CLCN6: variants seen among roughly 807,000 people sequenced by gnomAD.
The protein encoded by CLCN6 is H(+)/Cl(-) exchange transporter 6.
In CLCN6, 70 loss-of-function variants were observed where a neutral mutation model predicts 109.8. The ratio of observed to expected loss-of-function variants is 0.64; its 90% confidence interval spans 0.53 to 0.78. The LOEUF is 0.78. Ranked by LOEUF, CLCN6 falls within the 30% of genes least tolerant of loss-of-function variation. The probability of loss-of-function intolerance (pLI) is 0.00; values close to 1 mark genes in which losing one functional copy is unlikely to be tolerated. For synonymous variants in CLCN6, 444 were observed against 447.8 expected (o/e 0.99, Z 0.11); for missense variants, 984 against 1,142.3 (o/e 0.86, Z 2.00).
At chr1:11,821,628 G>A (rs1291080103) in intron 5 of CLCN6, among the ~76,000 whole-genome samples, 1 of 152,140 alleles carries the variant, frequency 6.6e-6, no homozygotes, top group Non-Finnish European at 1.5e-5. Flanking sequence ...GAAGGAAAAC[G>A]AGCAAAGGAT....
chr1:11,838,189 C>G (rs916894216), intron 20 of CLCN6, 146 bp from the exon 21 acceptor site: 27 of 727,588 alleles, frequency 3.7e-5, no homozygotes, highest in Non-Finnish European at 6.0e-5. Context: ...CTGGAGAGCT[C>G]TCACTCTGGA....
intron 2 of CLCN6, among the ~76,000 whole-genome samples, chr1:11,812,350 C>A (rs2100607683): frequency 6.6e-6 from 1 of 152,346 alleles, no homozygotes; most frequent in East Asian, 1.9e-4. Context: ...ATGCCCTCTC[C>A]AGGCACGCTA....
At chr1:11,816,490 ACAT>A in intron 3 of CLCN6, 122 bp from the exon 4 acceptor site, 1 of 857,194 alleles carries the variant, frequency 1.2e-6, no homozygotes, top group Non-Finnish European at 1.9e-6. Flanking sequence ...TGAAATCCCA[ACAT>A]CATCTTTACT....
chr1:11,806,274 C>G lies in CLCN6; in HGVS notation c.12C>G (p.Cys4Trp). The G allele has an allele frequency of 6.7e-7, 1 of 1,488,080 alleles. No homozygotes were observed. Among genetic ancestry groups the G allele is most frequent in the South Asian group, 1.4e-5 (1 of 71,556 alleles). The allele number at this position is 1,488,080 out of a possible 1,614,324, so 92.2% of individuals were successfully genotyped here. Residue 4 changes from cysteine (C) to tryptophan (W), a missense_variant, in exon 1 of 23, where the codon TGC becomes TGG. Cys to Trp is a radical substitution (Grantham distance 215, BLOSUM62 -2). Coordinates refer to ENST00000346436, the MANE Select transcript of CLCN6 (RefSeq NM_001286.5). Reference protein sequence around the residue: MAGCRGSLCCCCRW... With the variant: MAGWRGSLCCCCRW... ...AGTAAAGGAGGAAGATGGCGGGGTG[C>G]AGGGGGTCTCTGTGCTGCTGCTGCA... is the stretch of plus-strand genomic sequence containing the variant.
intron 5 of CLCN6, 47 bp downstream of exon 5, chr1:11,819,601 A>C (rs765690653): frequency 1.3e-6 from 2 of 1,536,994 alleles, no homozygotes; most frequent in Admixed American, 1.7e-5. Context: ...AGTGGTCACC[A>C]AGATTCTTTC....
chr1:11,809,908 CAATA>C (rs1296535890), intron 2 of CLCN6, among the ~76,000 whole-genome samples: 1 of 152,112 alleles, frequency 6.6e-6, no homozygotes, highest in South Asian at 2.1e-4. Flanking sequence ...TTTATTTATT[CAATA>C]AATAAATCAA....
At chr1:11,830,540 C>T (rs1457811413) in intron 13 of CLCN6, among the ~76,000 whole-genome samples, 1 of 151,556 alleles carries the variant, frequency 6.6e-6, no homozygotes, top group Non-Finnish European at 1.5e-5. Flanking sequence ...CAAATATACA[C>T]CATTTTATAT....
chr1:11,829,279 T>C lies in CLCN6; in HGVS notation c.1205T>C (p.Met402Thr). The change falls in exon 13 of 23, where the codon ATG becomes ACG. Residue 402 changes from methionine to threonine, a missense_variant. By Grantham distance (81) the Met-to-Thr change is moderately conservative. Transcript: ENST00000346436. ...ASMVLGECRQ[M>T]SSSSQIGNDS... ...ATGGTGTTAGGAGAATGCCGACAGA[T>C]GTCCTCTTCGAGTCAAATCGGTAAT... 2 of 1,614,190 alleles carry C rather than the reference T, an allele frequency of 1.2e-6. No individual in the cohort carries two copies. The highest frequency in any genetic ancestry group is 1.7e-6 in the Non-Finnish European group (2 of 1,180,032).
chr1:11,821,092 A>AAT (rs1644736627), intron 5 of CLCN6, among the ~76,000 whole-genome samples: 2 of 151,872 alleles, frequency 1.3e-5, no homozygotes, highest in Non-Finnish European at 2.9e-5. Flanking sequence ...AACAACAAAA[A>AAT]AAAAAAACAA....
chr1:11,829,073 C>A, intron 12 of CLCN6, 123 bp from the exon 13 acceptor site: 1 of 1,120,248 alleles, frequency 8.9e-7, no homozygotes, highest in Non-Finnish European at 1.3e-6. Flanking sequence ...TGTTGACTGA[C>A]CAGGGGCTGC....
At chr1:11,830,781 T>TACAC (rs1327251861) in intron 13 of CLCN6, among the ~76,000 whole-genome samples, 3 of 121,882 alleles carry the variant, frequency 2.5e-5, no homozygotes, top group African/African-American at 1.2e-4. Context: ...ACACACTATA[T>TACAC]ATACACACAC....
rs1344378491 is a variant in CLCN6, at chr1:11,834,289, C to T, written c.1580C>T (p.Ala527Val). The part of the protein sequence containing the change: ...YSGTFALIGA[A>V]AFLGGVVRMT... ...GGGACCTTTGCCCTGATTGGTGCAGCGGCTTTCTTGGGCGGGGTGGTCCGC... is the reference window on the plus strand; with the variant it reads ...GGGACCTTTGCCCTGATTGGTGCAGTGGCTTTCTTGGGCGGGGTGGTCCGC... Residue 527 changes from alanine (A) to valine (V), a missense_variant, in exon 16 of 23, where the codon GCG becomes GTG. By Grantham distance (64) the Ala-to-Val change is moderately conservative (BLOSUM62 0). Coordinates refer to ENST00000346436, the MANE Select transcript of CLCN6 (RefSeq NM_001286.5). This position sits in a 1 kb window ranked among gnomAD's most constrained non-coding sequence, Gnocchi z 4.5. 8 of 1,614,096 alleles carry T rather than the reference C, an allele frequency of 5.0e-6. No individual in the cohort carries two copies. The highest frequency in any genetic ancestry group is 2.2e-5 in the East Asian group (1 of 44,862).
At chr1:11,831,164 TGTTTTTG>T (rs763613650) in intron 13 of CLCN6, among the ~76,000 whole-genome samples, 1 of 118,836 alleles carries the variant, frequency 8.4e-6, no homozygotes, top group Non-Finnish European at 1.8e-5. Context: ...TTTTTGTTTT[TGTTTTTG>T]TTTTTGGCAA....
intron 13 of CLCN6, among the ~76,000 whole-genome samples, chr1:11,830,797 C>T (rs1293063125): frequency 2.9e-5 from 4 of 138,030 alleles, no homozygotes; most frequent in Non-Finnish European, 4.6e-5. Flanking sequence ...CACACACACA[C>T]ACACACACAC....
At chr1:11,839,145 G>C in intron 22 of CLCN6, 1 of 577,978 alleles carries the variant, frequency 1.7e-6, no homozygotes, top group Non-Finnish European at 3.1e-6. Flanking sequence ...TTTCATTGTA[G>C]GAAAATACAA....
At chr1:11,830,783 TACAC>T (rs71585869) in intron 13 of CLCN6, among the ~76,000 whole-genome samples, 35,734 of 137,708 alleles carry the variant, frequency 0.26, 4,979 homozygotes, top group Middle Eastern at 0.38. Context: ...ACACTATATA[TACAC>T]ACACACACAC....
chr1:11,840,813 G>C lies in CLCN6; in HGVS notation c.*590G>C, dbSNP rs1488273406. 6.2e-6 allele frequency: 1 copy of C among 161,106 alleles called. No homozygotes were observed. The highest frequency in any genetic ancestry group is 1.4e-5 in the Non-Finnish European group (1 of 72,536). 10.0% of individuals were successfully genotyped at this position (161,106 alleles called of 1,614,324 possible). On this transcript the variant is annotated 3_prime_UTR_variant, in exon 23 of 23. Coordinates refer to ENST00000346436, the MANE Select transcript of CLCN6 (RefSeq NM_001286.5). ...GCTCCTGGGTGTGAGCAGAGGCTCT[G>C]GTCTTGCCCTGTGGTTTGACTCTCC...
Position 11,834,060 on chromosome 1 carries a change from ATGTGCATGTG to A in CLCN6, c.1526+37_1526+46del. ...TCTGTGTGTGTGCGTGTGTGTGCGCATGTGCATGTGTGTGCACGTGTGCGTGTGTATGCAT... is the reference window on the plus strand; with the variant it reads ...TCTGTGTGTGTGCGTGTGTGTGCGCATGTGCACGTGTGCGTGTGTATGCAT... On this transcript the variant is annotated intron_variant, in intron 15 of 22. Coordinates refer to ENST00000346436, the MANE Select transcript of CLCN6 (RefSeq NM_001286.5). This position sits in a 1 kb window ranked among gnomAD's most constrained non-coding sequence, Gnocchi z 4.5. The A allele has an allele frequency of 1.9e-6, 3 of 1,609,836 alleles. No homozygotes were observed. In the East Asian group the frequency reaches 6.7e-5, roughly 36 times the overall value.
intron 18 of CLCN6, 96 bp from the exon 19 acceptor site, chr1:11,836,903 C>A: frequency 4.2e-6 from 6 of 1,440,148 alleles, no homozygotes; most frequent in Non-Finnish European, 5.7e-6. Flanking sequence ...TCCGGATGTG[C>A]TTCTGACCCT....
Sources: allele counts gnomAD v4.1 joint callset (sites outside exome capture counted in the v4.1 genomes callset), GRCh38; gene constraint gnomAD v4.1.1; non-coding constraint Gnocchi (gnomAD v3.1); transcripts MANE v1.5; gene names NCBI Gene and HGNC (gene_info 2026-07-23, HGNC 2026-07-21).